PCDHA7: variants seen among roughly 807,000 people sequenced by gnomAD.
PCDHA7 encodes the protein protocadherin alpha-7.
A neutral mutation model predicts 57.2 loss-of-function variants in PCDHA7; 37 were observed. The ratio of observed to expected loss-of-function variants is 0.65; its 90% CI spans 0.50 to 0.85. The LOEUF is 0.85. Among genes scored for constraint, PCDHA7 ranks in the 40% least tolerant of loss-of-function variants. The probability of loss-of-function intolerance (pLI) is 0.00; values close to 1 mark genes in which losing one functional copy is unlikely to be tolerated. For missense variants in PCDHA7, 1,188 were observed against 1,241.8 expected, an observed-to-expected ratio of 0.96 and a Z score of 0.65; for synonymous variants, 553 against 558.8, an observed-to-expected ratio of 0.99 and a Z score of 0.15.
rs557764399 is a variant in PCDHA7, at chr5:140,865,245, G to A, written c.2355+28507G>A. On this transcript the variant is annotated intron_variant, in intron 1 of 3. Coordinates refer to ENST00000525929, the MANE Select transcript of PCDHA7 (RefSeq NM_018910.3). ...GGATCCCAGAGAACACGTATTTATA[G>A]CTGTAAGGATGTGTATCAAATTATA... The A allele has an allele frequency of 1.1e-3, 171 of 152,250 alleles. 2 individuals are homozygous for A. The highest frequency in any genetic ancestry group is 3.6e-3 in the African/African-American group (148 of 41,542). 9.4% of individuals were successfully genotyped at this position (152,250 alleles called of 1,614,324 possible).
intron 1 of PCDHA7, chr5:140,881,265 T>C (rs1352186503): frequency 1.7e-6 from 1 of 600,348 alleles, no homozygotes; most frequent in Non-Finnish European, 2.1e-6. Context: ...TACTCAGTGA[T>C]GATGAAGTAA....
intron 1 of PCDHA7, among the ~76,000 whole-genome samples, chr5:140,972,168 G>T (rs969968770): frequency 2.6e-5 from 4 of 152,064 alleles, no homozygotes; most frequent in African/African-American, 9.7e-5. Context: ...TTGAGACAGA[G>T]TCTTGGCCTG....
rs1554144146 is a variant in PCDHA7, at chr5:140,850,293, G to A, written c.2355+13555G>A. 7.5e-6 allele frequency: 12 copies of A among 1,596,282 alleles called. 1 individual carries two copies. Among genetic ancestry groups the A allele is most frequent in the Non-Finnish European group, 1.0e-5 (12 of 1,167,618 alleles). ...GGGGAAGGTGCGCGCAGTGGACGCC[G>A]ACTCGGGCTACAACGCGTGGCTTTC... On this transcript the variant is annotated intron_variant, in intron 1 of 3. Transcript: ENST00000525929.
At chr5:140,958,510 G>A (rs1476919397) in intron 1 of PCDHA7, among the ~76,000 whole-genome samples, 1 of 152,114 alleles carries the variant, frequency 6.6e-6, no homozygotes, top group Non-Finnish European at 1.5e-5. Flanking sequence ...AGGCATGGCT[G>A]TCCAATATAT....
intron 1 of PCDHA7, chr5:140,848,600 C>CTA (rs2040492511): frequency 6.3e-7 from 1 of 1,593,634 alleles, no homozygotes; most frequent in Non-Finnish European, 8.6e-7. Flanking sequence ...ACTACTCCGT[C>CTA]CCGGAGGAAG....
chr5:140,962,248 A>G (rs782618740), intron 1 of PCDHA7, among the ~76,000 whole-genome samples: 5 of 152,182 alleles, frequency 3.3e-5, no homozygotes, highest in Non-Finnish European at 5.9e-5. Context: ...ATTTTCTTCA[A>G]TGAAAAATAA....
intron 1 of PCDHA7, among the ~76,000 whole-genome samples, chr5:140,879,173 G>A (rs1010561937): frequency 6.6e-6 from 1 of 152,278 alleles, no homozygotes; most frequent in Non-Finnish European, 1.5e-5. Context: ...AATAAATTAG[G>A]TATCAAGTAA....
chr5:140,862,965 C>T (rs1358517266), intron 1 of PCDHA7: 5 of 543,666 alleles, frequency 9.2e-6, no homozygotes, highest in African/African-American at 7.7e-5. Flanking sequence ...TCAGTGGATG[C>T]AGGCCACTTG....
chr5:140,985,416 G>A (rs1554247041), intron 3 of PCDHA7, among the ~76,000 whole-genome samples: 1 of 152,142 alleles, frequency 6.6e-6, no homozygotes, highest in Non-Finnish European at 1.5e-5. Flanking sequence ...GAAATGGAGT[G>A]AGGAGGATTT....
At chr5:140,883,417 A>C in intron 1 of PCDHA7, 3 of 1,614,146 alleles carry the variant, frequency 1.9e-6, no homozygotes, top group Non-Finnish European at 2.5e-6. Flanking sequence ...GCTCAAATGG[A>C]CAGGTCACCT....
chr5:140,875,864 C>G (rs781972677), intron 1 of PCDHA7: 2 of 1,614,168 alleles, frequency 1.2e-6, no homozygotes, highest in South Asian at 1.1e-5. Context: ...GACAACCCGC[C>G]GGTGTTCAGA....
intron 1 of PCDHA7, among the ~76,000 whole-genome samples, chr5:140,874,106 T>C (rs1554167018): frequency 1.3e-5 from 2 of 152,266 alleles, no homozygotes; most frequent in African/African-American, 4.8e-5. Flanking sequence ...TTTTAATTAC[T>C]TAACGTTTTA....
In PCDHA7 at chr5:141,000,054, A is replaced by G. The variant is rs189634054; in HGVS notation, c.2504-9573A>G. On this transcript the variant is annotated intron_variant, in intron 3 of 3. Coordinates refer to ENST00000525929, the MANE Select transcript of PCDHA7 (RefSeq NM_018910.3). ...CCAATCACACACACACCACTCTCCC[A>G]GCTGCTCTGTAGATCACAATGCTAG... Among the ~76,000 whole-genome samples the G allele has an allele frequency of 4.0e-3, 609 of 152,230 alleles. 3 individuals carry two copies. Among genetic ancestry groups the G allele is most frequent in the African/African-American group, 0.014 (564 of 41,556 alleles).
At chr5:140,926,923 T>G in intron 1 of PCDHA7, 1 of 1,571,554 alleles carries the variant, frequency 6.4e-7, no homozygotes. Flanking sequence ...AGTTTTATGT[T>G]TGTGGGTTTC....
intron 1 of PCDHA7, chr5:140,849,459 G>T (rs2150438078): frequency 1.3e-6 from 2 of 1,587,980 alleles, no homozygotes. Flanking sequence ...CCCAGTCGAG[G>T]CTGTCGATAA....
chr5:140,856,112 G>A (rs782115498), intron 1 of PCDHA7: 1 of 1,598,078 alleles, frequency 6.3e-7, no homozygotes, highest in African/African-American at 1.3e-5. Flanking sequence ...TCTCCTCGCA[G>A]CCTGGGAGGT....
At chr5:140,882,891 A>G (rs782750187) in intron 1 of PCDHA7, 3 of 1,614,230 alleles carry the variant, frequency 1.9e-6, no homozygotes, top group Admixed American at 1.7e-5. Context: ...ATTCAGGAAC[A>G]TAGTTTATTA....
At chr5:140,925,740 G>T (rs1008956010) in intron 1 of PCDHA7, among the ~76,000 whole-genome samples, 19 of 151,764 alleles carry the variant, frequency 1.3e-4, no homozygotes, top group African/African-American at 4.6e-4. Flanking sequence ...AATATTTACA[G>T]AAAGAAAATT....
chr5:140,908,547 A>G (rs2074022083), intron 1 of PCDHA7, among the ~76,000 whole-genome samples: 1 of 152,152 alleles, frequency 6.6e-6, no homozygotes, highest in Non-Finnish European at 1.5e-5. Context: ...AAAGCCCAGT[A>G]ATAGGCCAAG....
Sources: allele counts gnomAD v4.1 joint callset (sites outside exome capture counted in the v4.1 genomes callset), GRCh38; gene constraint gnomAD v4.1.1; transcripts MANE v1.5; gene names NCBI Gene and HGNC (gene_info 2026-07-23, HGNC 2026-07-21).